MALRD1: variants seen among roughly 807,000 people sequenced by gnomAD.
The protein encoded by MALRD1 is MAM and LDL-receptor class A domain-containing protein 1.
A neutral mutation model predicts 242.1 loss-of-function variants in MALRD1; 247 were observed. That is an observed-to-expected ratio of 1.02 (90% CI 0.92 to 1.13). The LOEUF is 1.13. Ranked by LOEUF, MALRD1 falls within the 50% of genes most tolerant of loss-of-function variation. The pLI is 0.00. For synonymous variants in MALRD1, 995 were observed against 866.6 expected (o/e 1.15, Z -2.60); for missense variants, 2,989 against 2,533.1 (o/e 1.18, Z -3.86).
chr10:19,261,003 G>T (rs1292844738), intron 19 of MALRD1, among the ~76,000 whole-genome samples: 1 of 152,186 alleles, frequency 6.6e-6, no homozygotes, highest in African/African-American at 2.4e-5. Context: ...AAGCTGGTCT[G>T]ATTTCAGTGG....
intron 28 of MALRD1, among the ~76,000 whole-genome samples, chr10:19,447,043 CACACACACACACACACACATACACAG>C (rs1418549205): frequency 0.013 from 187 of 14,718 alleles, 1 homozygote; most frequent in Admixed American, 0.028. Context: ...CTGTTAGGAA[CACACACACACACACACACATACACAG>C]ACACACACAC....
chr10:19,662,464 A>AT (rs2131736361), intron 36 of MALRD1, among the ~76,000 whole-genome samples: 1 of 152,236 alleles, frequency 6.6e-6, no homozygotes, highest in South Asian at 2.1e-4. Flanking sequence ...ATTAAATACT[A>AT]TTTTCGAGTT....
At chr10:19,371,674 T>C (rs1845385850) in intron 26 of MALRD1, among the ~76,000 whole-genome samples, 1 of 152,222 alleles carries the variant, frequency 6.6e-6, no homozygotes, top group Non-Finnish European at 1.5e-5. Context: ...GCAAATATTA[T>C]TTCTGAAAGG....
chr10:19,229,741 T>C (rs1837967795), intron 18 of MALRD1, among the ~76,000 whole-genome samples: 1 of 152,178 alleles, frequency 6.6e-6, no homozygotes, highest in African/African-American at 2.4e-5. Context: ...CAATGCATTG[T>C]AGCACTAAAC....
chr10:19,354,262 A>T (rs1255785032), intron 26 of MALRD1, among the ~76,000 whole-genome samples: 1 of 152,166 alleles, frequency 6.6e-6, no homozygotes, highest in Non-Finnish European at 1.5e-5. Flanking sequence ...ATCATACCAG[A>T]GCTCTTTGAA....
At chr10:19,201,581 G>A (rs568638190) in intron 14 of MALRD1, among the ~76,000 whole-genome samples, 43 of 152,174 alleles carry the variant, frequency 2.8e-4, no homozygotes, top group African/African-American at 1.0e-3. Flanking sequence ...TCTGAAATAA[G>A]AATCAAAAGC....
intron 18 of MALRD1, among the ~76,000 whole-genome samples, chr10:19,220,238 T>G (rs528523510): frequency 6.6e-5 from 10 of 152,206 alleles, no homozygotes; most frequent in African/African-American, 2.4e-4. Flanking sequence ...AGCAAAATAA[T>G]TTGTTATAGA....
intron 36 of MALRD1, among the ~76,000 whole-genome samples, chr10:19,650,268 AT>A (rs1840810059): frequency 6.6e-6 from 1 of 152,194 alleles, no homozygotes; most frequent in Non-Finnish European, 1.5e-5. Context: ...TCCAATAAAA[AT>A]ATCACTGAAA....
chr10:19,312,891 A>AT (rs1393669049), intron 21 of MALRD1, among the ~76,000 whole-genome samples: 32 of 151,626 alleles, frequency 2.1e-4, no homozygotes, highest in Admixed American at 5.9e-4. Context: ...CAGGGAAACG[A>AT]TCAGTGGCTG....
chr10:19,165,642 G>GT lies in MALRD1; in HGVS notation c.1666dup (p.Trp556LeufsTer42), dbSNP rs1452366829. The GT allele has an allele frequency of 8.1e-7, 1 of 1,231,360 alleles. No individual in the cohort carries two copies. The highest frequency in any genetic ancestry group is 1.0e-6 in the Non-Finnish European group (1 of 987,698). The allele number at this position is 1,231,360 out of a possible 1,614,324, so 76.3% of individuals were successfully genotyped here. ...TGAAAACATGTTTTCAACAGGTGCAGTTTTGGTATCATTTGTCTCAACATT... is the reference window on the plus strand; with the variant it reads ...TGAAAACATGTTTTCAACAGGTGCAGTTTTTGGTATCATTTGTCTCAACATT... On this transcript the variant is annotated frameshift_variant, in exon 13 of 40. Coordinates refer to ENST00000454679, the MANE Select transcript of MALRD1 (RefSeq NM_001142308.3). LOFTEE classifies it high-confidence loss of function.
intron 7 of MALRD1, 142 bp from the exon 8 acceptor site, chr10:19,128,079 C>A (rs1837338242): frequency 2.2e-6 from 1 of 460,500 alleles, no homozygotes; most frequent in Non-Finnish European, 3.5e-6. Context: ...TTGATGTAAT[C>A]ATTTGAAAAC....
chr10:19,588,733 C>T (rs1340953118), intron 33 of MALRD1, among the ~76,000 whole-genome samples: 1 of 152,198 alleles, frequency 6.6e-6, no homozygotes, highest in Non-Finnish European at 1.5e-5. Context: ...ACCTCCACCT[C>T]CTGGGTTACA....
intron 18 of MALRD1, among the ~76,000 whole-genome samples, chr10:19,229,604 T>C (rs1029774155): frequency 6.6e-6 from 1 of 152,166 alleles, no homozygotes; most frequent in African/African-American, 2.4e-5. Flanking sequence ...CTTCCACCCA[T>C]AGAAAAGCAG....
chr10:19,341,450 A>G (rs12785025), intron 24 of MALRD1, among the ~76,000 whole-genome samples: 5 of 113,824 alleles, frequency 4.4e-5, no homozygotes, highest in African/African-American at 1.0e-4. Flanking sequence ...ATATATATAT[A>G]TGTGTATATA....
At chr10:19,141,855 T>G (rs1012361326) in intron 10 of MALRD1, among the ~76,000 whole-genome samples, 2 of 152,044 alleles carry the variant, frequency 1.3e-5, no homozygotes, top group African/African-American at 4.8e-5. Flanking sequence ...ACTGTGATAT[T>G]GTCTCTAGAT....
intron 36 of MALRD1, among the ~76,000 whole-genome samples, chr10:19,669,992 A>G (rs1002293094): frequency 6.6e-6 from 1 of 152,138 alleles, no homozygotes; most frequent in Non-Finnish European, 1.5e-5. Flanking sequence ...CAAGACTTCT[A>G]GTGCAACTTG....
intron 38 of MALRD1, among the ~76,000 whole-genome samples, chr10:19,714,116 G>C (rs2131882047): frequency 6.6e-6 from 1 of 152,258 alleles, no homozygotes; most frequent in African/African-American, 2.4e-5. Flanking sequence ...AGCTCCATTA[G>C]ACCCTCTGCC....
At chr10:19,621,635 G>A (rs10740929) in intron 36 of MALRD1, among the ~76,000 whole-genome samples, 86,105 of 151,430 alleles carry the variant, frequency 0.57, 24,830 homozygotes, top group African/African-American at 0.67. Context: ...AGAGGAAAAT[G>A]AAATAGTAGA....
At chr10:19,443,857 T>C (rs1182410717) in intron 28 of MALRD1, among the ~76,000 whole-genome samples, 1 of 152,184 alleles carries the variant, frequency 6.6e-6, no homozygotes, top group African/African-American at 2.4e-5. Context: ...CACAGCTGAG[T>C]TCAAGTCCTG....
Sources: gnomAD v4.1 joint callset for allele counts (sites outside exome capture counted in the v4.1 genomes callset) on GRCh38, gnomAD v4.1.1 for gene constraint, MANE v1.5 for transcripts, NCBI Gene and HGNC (gene_info 2026-07-23, HGNC 2026-07-21) for gene names.